HEATR3: variants seen among roughly 807,000 people sequenced by gnomAD.
The protein encoded by HEATR3 is HEAT repeat containing 3, also known as HEAT repeat-containing protein 3.
A neutral mutation model predicts 72.8 loss-of-function variants in HEATR3; 56 were observed. The observed-to-expected ratio is 0.77, with a 90% CI of 0.62 to 0.96. The LOEUF (loss-of-function observed/expected upper bound fraction) is 0.96, where lower values mean the gene tolerates loss of function less well. Ranked by LOEUF, HEATR3 falls within the 40% of genes least tolerant of loss-of-function variation. The pLI is 0.00. For synonymous variants in HEATR3, 331 were observed against 318.1 expected (o/e 1.04, Z -0.43); for missense variants, 747 against 831.4 (o/e 0.90, Z 1.25).
At chr16:50,081,847 C>G (rs963469973) in intron 7 of HEATR3, among the ~76,000 whole-genome samples, 1 of 152,144 alleles carries the variant, frequency 6.6e-6, no homozygotes, top group African/African-American at 2.4e-5. Flanking sequence ...TACCAATTTT[C>G]AAAGTCTGGT....
Position 50,084,344 on chromosome 16 carries a change from A to C in HEATR3, c.1290+53A>C, listed in dbSNP as rs1288741053. Reference sequence around the variant, plus strand: ...GTGGAGCATGGGAAAGGCTTAAGCAAGGTATTCATTTTGTGTACAAAAGAA... The same window carrying C: ...GTGGAGCATGGGAAAGGCTTAAGCACGGTATTCATTTTGTGTACAAAAGAA... On this transcript the variant is annotated intron_variant, in intron 9 of 14. Coordinates refer to ENST00000299192, the MANE Select transcript of HEATR3 (RefSeq NM_182922.4). The C allele has an allele frequency of 8.9e-6, 14 of 1,568,026 alleles. No homozygotes were observed. In the East Asian group the frequency reaches 3.1e-4, roughly 35 times the overall value.
At position 50,084,214 on chromosome 16, in the gene HEATR3, G is replaced by A. The variant is rs34805615; in HGVS notation, c.1213G>A (p.Gly405Arg). 7.7e-3 allele frequency: 12,378 copies of A among 1,614,068 alleles called. 85 individuals are homozygous for A. Among genetic ancestry groups the A allele is most frequent in the Middle Eastern group, 0.042 (256 of 6,062 alleles). Residue 405 changes from glycine to arginine, a missense_variant, in exon 9 of 15, where the codon GGG becomes AGG. Gly to Arg is a moderately radical substitution (Grantham distance 125). This residue lies in a region of HEATR3 where 586 missense variants were observed against 708.8 expected (regional missense o/e 0.83). Transcript: ENST00000299192. ...AFMENSFSEC[G>R]GQLFSPLCLS... Reference sequence around the variant, plus strand: ...TATGGAGAATTCCTTCAGTGAGTGCGGGGGACAGCTGTTTTCTCCCCTCTG... The same window carrying A: ...TATGGAGAATTCCTTCAGTGAGTGCAGGGGACAGCTGTTTTCTCCCCTCTG...
chr16:50,066,618 C>T, intron 2 of HEATR3, 79 bp downstream of exon 2: 1 of 1,203,442 alleles, frequency 8.3e-7, no homozygotes, highest in Non-Finnish European at 1.0e-6. Flanking sequence ...CAGCGGTCAC[C>T]CAGCGCCTTC....
In HEATR3 at chr16:50,066,042, C is replaced by T. The variant is rs1010487953; in HGVS notation, c.-90C>T. ...GCCGTCAGCCGGCCCAGCTGAGCAG[C>T]AGCAACGGACCTTGTTAACGGCGCG... On this transcript the variant is annotated 5_prime_UTR_variant, in exon 1 of 15. Coordinates refer to ENST00000299192, the MANE Select transcript of HEATR3 (RefSeq NM_182922.4). 7.1e-7 allele frequency: 1 copy of T among 1,411,660 alleles called. No individual in the cohort carries two copies. Among genetic ancestry groups the T allele is most frequent in the Non-Finnish European group, 9.6e-7 (1 of 1,045,812 alleles). 87.4% of individuals were successfully genotyped at this position (1,411,660 alleles called of 1,614,324 possible).
chr16:50,079,526 T>G (rs1444868826), intron 7 of HEATR3, among the ~76,000 whole-genome samples: 1 of 152,118 alleles, frequency 6.6e-6, no homozygotes, highest in Non-Finnish European at 1.5e-5. Context: ...TTGGAGTCGG[T>G]GATGGTGGCA....
Position 50,066,188 on chromosome 16 carries a change from C to T in HEATR3, c.57C>T (p.Asp19=). 1 of 1,591,826 alleles carries T rather than the reference C, an allele frequency of 6.3e-7. No homozygotes were observed. The highest frequency in any genetic ancestry group is 8.5e-7 in the Non-Finnish European group (1 of 1,170,626). Residue 19 remains aspartate (D), a synonymous_variant, in exon 1 of 15, where the codon GAC becomes GAT. Transcript: ENST00000299192. ...GACCTCAGTTCTCCCCTACGGGCGA[C>T]TGTCAGGCCGAGGCGGCTGCGGCGG... ...FKRPQFSPTG[D]CQAEAAAAAN...
intron 5 of HEATR3, among the ~76,000 whole-genome samples, chr16:50,075,209 T>C (rs1287166368): frequency 6.7e-6 from 1 of 150,106 alleles, no homozygotes; most frequent in African/African-American, 2.5e-5. Flanking sequence ...TCCAGTTACC[T>C]GAGAGACTGA....
intron 11 of HEATR3, among the ~76,000 whole-genome samples, chr16:50,088,768 G>C (rs934922079): frequency 1.4e-4 from 22 of 152,138 alleles, no homozygotes; most frequent in African/African-American, 4.8e-4. Context: ...GAGGCAGGGG[G>C]CAGAGCCAGG....
Position 50,078,811 on chromosome 16 carries a change from G to T in HEATR3, c.834G>T (p.Lys278Asn). 1.2e-6 allele frequency: 2 copies of T among 1,614,030 alleles called. No homozygotes were observed. Among genetic ancestry groups the T allele is most frequent in the Non-Finnish European group, 1.7e-6 (2 of 1,179,988 alleles). ...CAGAAATCATAAATGCCTTACTAAA[G>T]ATCTTATCTGAAGTTTTGGGAATGG... ...SQAEIINALL[K>N]ILSEVLGMDA... The change falls in exon 7 of 15, where the codon AAG (lysine) becomes AAT (asparagine). Residue 278 changes from lysine (K) to asparagine (N), a missense_variant. Lys to Asn is a moderately conservative substitution (Grantham distance 94). Around this residue, in one of 2 missense-constraint regions of HEATR3, gnomAD observed 586 missense variants for 708.8 expected, o/e 0.83. Coordinates refer to ENST00000299192, the MANE Select transcript of HEATR3 (RefSeq NM_182922.4).
intron 11 of HEATR3, among the ~76,000 whole-genome samples, chr16:50,088,397 C>T (rs1315937424): frequency 6.6e-6 from 1 of 152,202 alleles, no homozygotes; most frequent in Non-Finnish European, 1.5e-5. Context: ...CTTTCAAGTA[C>T]TCCCTGGCTG....
chr16:50,090,238 G>T (rs1333561065), intron 11 of HEATR3, among the ~76,000 whole-genome samples: 1 of 152,030 alleles, frequency 6.6e-6, no homozygotes, highest in African/African-American at 2.4e-5. Flanking sequence ...GCTTGCGCCT[G>T]TGGTCCCAAG....
intron 12 of HEATR3, among the ~76,000 whole-genome samples, chr16:50,099,064 C>T (rs2037309915): frequency 6.6e-6 from 1 of 151,972 alleles, no homozygotes; most frequent in African/African-American, 2.4e-5. Context: ...TAAACTCCTG[C>T]TCTCGAGTGA....
At chr16:50,078,331 C>T (rs1448257294) in intron 6 of HEATR3, among the ~76,000 whole-genome samples, 1 of 152,096 alleles carries the variant, frequency 6.6e-6, no homozygotes, top group Non-Finnish European at 1.5e-5. Context: ...TAAGAACCTA[C>T]TCTCATGTTT....
chr16:50,086,404 G>C (rs1194792592), intron 11 of HEATR3, 53 bp downstream of exon 11: 2 of 1,544,874 alleles, frequency 1.3e-6, no homozygotes, highest in African/African-American at 2.8e-5. Context: ...ATTTTGAAGG[G>C]GCAGGAATTT....
intron 14 of HEATR3, 72 bp from the exon 15 acceptor site, chr16:50,104,867 A>C (rs2037447205): frequency 7.3e-7 from 1 of 1,361,204 alleles, no homozygotes; most frequent in African/African-American, 1.5e-5. Context: ...TACACCCTAA[A>C]TTAAATACTT....
chr16:50,083,152 AC>A (rs1408994938), intron 7 of HEATR3, among the ~76,000 whole-genome samples: 1 of 152,204 alleles, frequency 6.6e-6, no homozygotes, highest in Non-Finnish European at 1.5e-5. Flanking sequence ...AAAAAAAAAG[AC>A]AATTGAAAAC....
At chr16:50,072,806 AT>A in intron 5 of HEATR3, 92 bp downstream of exon 5, 1 of 784,478 alleles carries the variant, frequency 1.3e-6, no homozygotes, top group Non-Finnish European at 2.2e-6. Flanking sequence ...CACTGGAGTG[AT>A]TTTTTGTTTC....
At chr16:50,086,136 G>T in intron 10 of HEATR3, 79 bp from the exon 11 acceptor site, 1 of 1,342,110 alleles carries the variant, frequency 7.5e-7, no homozygotes. Context: ...AGAACGTGAA[G>T]CTTAGGCTAA....
In HEATR3 at chr16:50,070,274, G is replaced by A. The variant is rs925098580; in HGVS notation, c.496G>A (p.Val166Met). 12 of 1,584,098 alleles carry A rather than the reference G, an allele frequency of 7.6e-6. No individual in the cohort carries two copies. Among genetic ancestry groups the A allele is most frequent in the African/African-American group, 1.3e-5 (1 of 74,334 alleles). Residue 166 changes from valine (V) to methionine (M), a missense_variant, in exon 4 of 15, where the codon GTG (valine) becomes ATG (methionine). By Grantham distance (21) the Val-to-Met change is conservative. Transcript: ENST00000299192. ...IENIANETVN[V>M]LWNICECSSR... ...GAACATAGCCAATGAGACTGTGAAC[G>A]TGCTGTGGAATATATGGTAAGATGC...
Sources: gnomAD v4.1 joint callset for allele counts (sites outside exome capture counted in the v4.1 genomes callset) on GRCh38, gnomAD v4.1.1 for gene constraint, gnomAD v4.1.1 regional missense constraint, MANE v1.5 for transcripts, NCBI Gene and HGNC (gene_info 2026-07-23, HGNC 2026-07-21) for gene names.